INSL6: variants seen among roughly 807,000 people sequenced by gnomAD.
INSL6 encodes insulin-like peptide INSL6.
A neutral mutation model predicts 9.4 loss-of-function variants in INSL6; 16 were observed. That is an observed-to-expected ratio of 1.70 (90% CI 1.15 to 2.59). The LOEUF is 2.59. Ranked by LOEUF, INSL6 falls within the 30% of genes most tolerant of loss-of-function variation. INSL6 has a pLI of 0.00. For missense variants in INSL6, 391 were observed against 257.3 expected (o/e 1.52, Z -3.56); for synonymous variants, 154 against 96.9 (o/e 1.59, Z -3.46).
chr9:5,046,001 C>T, the INSL6 span, among the ~76,000 whole-genome samples: 3 of 152,146 alleles, frequency 2.0e-5, no homozygotes, highest in African/African-American at 7.2e-5. Context: ...TTCAGTCCTA[C>T]CAGCAGTGCA....
chr9:5,033,506 C>T, the INSL6 span, among the ~76,000 whole-genome samples: 2 of 152,132 alleles, frequency 1.3e-5, no homozygotes, highest in Non-Finnish European at 2.9e-5. Flanking sequence ...TTGGGTAACC[C>T]ACAAAGGGAA....
chr9:5,055,920 A>G, the INSL6 span: 1 of 740,686 alleles, frequency 1.4e-6, no homozygotes, highest in South Asian at 2.0e-5. Flanking sequence ...TCTAAACATC[A>G]GTTCAGTAAA....
At chr9:5,068,648 G>T in the INSL6 span, among the ~76,000 whole-genome samples, 3 of 152,204 alleles carry the variant, frequency 2.0e-5, no homozygotes, top group African/African-American at 7.2e-5. Flanking sequence ...GTTGTATGTT[G>T]GCAGTGGCAG....
chr9:5,131,703 G>A (rs138462199), intron 3 of INSL6, among the ~76,000 whole-genome samples: 2 of 152,048 alleles, frequency 1.3e-5, no homozygotes, highest in Non-Finnish European at 1.5e-5. Context: ...ACCTCCCAAA[G>A]TGCTGGGATT....
chr9:5,058,215 C>G, the INSL6 span, among the ~76,000 whole-genome samples: 3 of 152,086 alleles, frequency 2.0e-5, no homozygotes, highest in Non-Finnish European at 4.4e-5. Context: ...TTCTATTAGT[C>G]CGTTCTCACA....
At chr9:5,060,523 A>G in the INSL6 span, among the ~76,000 whole-genome samples, 1 of 152,228 alleles carries the variant, frequency 6.6e-6, no homozygotes, top group Admixed American at 6.5e-5. Context: ...CATCTCAAGA[A>G]ACCATTTTTT....
At chr9:5,172,297 T>C (rs1269555197) in intron 1 of INSL6, among the ~76,000 whole-genome samples, 2 of 152,132 alleles carry the variant, frequency 1.3e-5, no homozygotes, top group East Asian at 1.9e-4. Context: ...CTACACCTTA[T>C]AGAAAAATTA....
chr9:5,117,467 T>C, the INSL6 span, among the ~76,000 whole-genome samples: 2 of 152,182 alleles, frequency 1.3e-5, no homozygotes, highest in Non-Finnish European at 2.9e-5. Context: ...TTCATAATAA[T>C]GGATGTTATT....
At chr9:5,103,382 A>ATATAGG in the INSL6 span, among the ~76,000 whole-genome samples, 1 of 152,016 alleles carries the variant, frequency 6.6e-6, no homozygotes, top group East Asian at 1.9e-4. Flanking sequence ...TATACTAAAT[A>ATATAGG]TATAGGTACC....
At chr9:5,110,637 G>A in the INSL6 span, 2 of 215,284 alleles carry the variant, frequency 9.3e-6, no homozygotes, top group East Asian at 1.3e-4. Context: ...TTACTCTAAA[G>A]ACCTTATTAT....
At chr9:5,007,896 T>C in the INSL6 span, among the ~76,000 whole-genome samples, 1 of 151,648 alleles carries the variant, frequency 6.6e-6, no homozygotes, top group Non-Finnish European at 1.5e-5. Context: ...CCTGGCTAAT[T>C]TTTGTGTTTT....
At chr9:5,130,163 G>A (rs1047161404) in intron 3 of INSL6, among the ~76,000 whole-genome samples, 2 of 152,026 alleles carry the variant, frequency 1.3e-5, no homozygotes, top group Admixed American at 6.6e-5. Flanking sequence ...ATTTTATTTT[G>A]AATATAACAG....
At chr9:5,065,761 A>G in the INSL6 span, among the ~76,000 whole-genome samples, 1 of 152,180 alleles carries the variant, frequency 6.6e-6, no homozygotes, top group East Asian at 1.9e-4. Context: ...GATGTGGTTT[A>G]TGTTGACAAC....
the INSL6 span, among the ~76,000 whole-genome samples, chr9:5,081,098 T>C: frequency 2.4e-4 from 36 of 151,904 alleles, no homozygotes; most frequent in Admixed American, 4.6e-4. Context: ...GGTTTCACCG[T>C]GTTAGCCAGG....
At chr9:5,177,235 A>C (rs1201075523) in intron 1 of INSL6, among the ~76,000 whole-genome samples, 1 of 152,174 alleles carries the variant, frequency 6.6e-6, no homozygotes. Context: ...GAGAAAGAAG[A>C]AATGCAGGGT....
chr9:5,155,382 G>A (rs1330600254), intron 2 of INSL6, among the ~76,000 whole-genome samples: 1 of 150,614 alleles, frequency 6.6e-6, no homozygotes, highest in African/African-American at 2.5e-5. Flanking sequence ...GTTAAATGAT[G>A]AGTTAATGGG....
chr9:5,080,189 G>A, the INSL6 span: 1 of 1,452,442 alleles, frequency 6.9e-7, no homozygotes. Context: ...TGGTTTACTT[G>A]TGAATTATTT....
chr9:5,011,092 T>C, the INSL6 span, among the ~76,000 whole-genome samples: 1 of 152,236 alleles, frequency 6.6e-6, no homozygotes, highest in South Asian at 2.1e-4. Flanking sequence ...GTGACTTAAG[T>C]ATGGATTTGT....
chr9:5,140,751 T>C (rs949684030), intron 2 of INSL6, among the ~76,000 whole-genome samples: 4 of 151,396 alleles, frequency 2.6e-5, no homozygotes, highest in East Asian at 1.9e-4. Context: ...TCAGGGTACA[T>C]ATGCAGGTTT....
Sources: gnomAD v4.1 joint callset for allele counts (sites outside exome capture counted in the v4.1 genomes callset) on GRCh38, gnomAD v4.1.1 for gene constraint, MANE v1.5 for transcripts, NCBI Gene and HGNC (gene_info 2026-07-23, HGNC 2026-07-21) for gene names.